ZNF277: variants seen among roughly 807,000 people sequenced by gnomAD.
ZNF277 encodes zinc finger protein 277.
A neutral mutation model predicts 60.7 loss-of-function variants in ZNF277; 55 were observed. The observed-to-expected ratio is 0.91, with a 90% CI of 0.73 to 1.13. The LOEUF is 1.13. Among genes scored for constraint, ZNF277 ranks in the 50% most tolerant of loss-of-function variants. The pLI, the probability that ZNF277 is intolerant of heterozygous loss-of-function variation, is 0.00. For missense variants in ZNF277, 510 were observed against 523.0 expected (o/e 0.98, Z 0.24); for synonymous variants, 178 against 179.3 (o/e 0.99, Z 0.06).
At chr7:112,295,808 C>T (rs1017133336) in intron 2 of ZNF277, 61 bp from the exon 3 acceptor site, 2 of 1,305,114 alleles carry the variant, frequency 1.5e-6, no homozygotes, top group Admixed American at 3.6e-5. Flanking sequence ...AGATTCCTGT[C>T]ATTCTAAAGC....
chr7:112,211,832 G>C (rs758105638), intron 1 of ZNF277, among the ~76,000 whole-genome samples: 3 of 152,144 alleles, frequency 2.0e-5, no homozygotes, highest in Non-Finnish European at 4.4e-5. Flanking sequence ...TACCCCAGTG[G>C]ACAGTGAACT....
intron 1 of ZNF277, among the ~76,000 whole-genome samples, chr7:112,281,717 C>T (rs946941641): frequency 1.3e-5 from 2 of 151,830 alleles, no homozygotes; most frequent in African/African-American, 4.9e-5. Context: ...AAACTGAGTA[C>T]CTTCGGTCCA....
chr7:112,306,285 G>C (rs964827058), intron 4 of ZNF277, among the ~76,000 whole-genome samples: 4 of 146,086 alleles, frequency 2.7e-5, no homozygotes, highest in Admixed American at 7.0e-5. Context: ...CGCAATTTCA[G>C]CTCCCTGCAG....
intron 1 of ZNF277, among the ~76,000 whole-genome samples, chr7:112,262,170 A>G (rs941807113): frequency 6.7e-6 from 1 of 149,816 alleles, no homozygotes; most frequent in African/African-American, 2.5e-5. Context: ...CTGCCCTTCT[A>G]GTTTCGCAGC....
chr7:112,308,516 T>TA (rs142550606), intron 4 of ZNF277, among the ~76,000 whole-genome samples: 44 of 151,156 alleles, frequency 2.9e-4, no homozygotes, highest in Non-Finnish European at 4.1e-4. Context: ...GATTATGTCT[T>TA]AAAAAAAAAT....
chr7:112,208,243 C>T (rs547325580), intron 1 of ZNF277, among the ~76,000 whole-genome samples: 5 of 152,120 alleles, frequency 3.3e-5, no homozygotes, highest in South Asian at 2.1e-4. Flanking sequence ...GGCGTGGTGG[C>T]GGATGCCTGT....
intron 1 of ZNF277, among the ~76,000 whole-genome samples, chr7:112,237,673 T>G (rs1388361488): frequency 6.6e-6 from 1 of 151,694 alleles, no homozygotes; most frequent in African/African-American, 2.4e-5. Flanking sequence ...TCCAGAACAG[T>G]AATAAAAATC....
intron 1 of ZNF277, among the ~76,000 whole-genome samples, chr7:112,273,425 G>A (rs1199491677): frequency 6.6e-6 from 1 of 152,178 alleles, no homozygotes; most frequent in Non-Finnish European, 1.5e-5. Flanking sequence ...GCCACTGCTG[G>A]GGGATGGGGG....
chr7:112,261,820 A>G (rs1003105223), intron 1 of ZNF277, among the ~76,000 whole-genome samples: 1 of 152,174 alleles, frequency 6.6e-6, no homozygotes, highest in Non-Finnish European at 1.5e-5. Flanking sequence ...TGAATATTCT[A>G]TAATAGAAAA....
chr7:112,243,241 A>G (rs1943282594), intron 1 of ZNF277, among the ~76,000 whole-genome samples: 2 of 152,030 alleles, frequency 1.3e-5, no homozygotes, highest in African/African-American at 4.8e-5. Context: ...AAGAAAACCT[A>G]GGAAAAAATC....
chr7:112,245,536 A>G (rs1218492809), intron 1 of ZNF277, among the ~76,000 whole-genome samples: 1 of 152,190 alleles, frequency 6.6e-6, no homozygotes, highest in African/African-American at 2.4e-5. Context: ...TAGCCTCACA[A>G]TTCTGGAGGC....
chr7:112,266,078 A>G (rs1175839717), intron 1 of ZNF277, among the ~76,000 whole-genome samples: 1 of 152,200 alleles, frequency 6.6e-6, no homozygotes, highest in Non-Finnish European at 1.5e-5. Context: ...AGCTGTGAGT[A>G]GTATTTTCAT....
intron 1 of ZNF277, among the ~76,000 whole-genome samples, chr7:112,245,861 G>A (rs1391650837): frequency 6.6e-6 from 1 of 152,080 alleles, no homozygotes; most frequent in Non-Finnish European, 1.5e-5. Flanking sequence ...AGTGGGTTGG[G>A]ACATCCTATC....
intron 1 of ZNF277, among the ~76,000 whole-genome samples, chr7:112,232,974 C>G (rs1822380825): frequency 6.6e-6 from 1 of 152,226 alleles, no homozygotes; most frequent in African/African-American, 2.4e-5. Flanking sequence ...ACCTCACCAA[C>G]TCCTGCTCAT....
intron 4 of ZNF277, among the ~76,000 whole-genome samples, chr7:112,296,912 ATTTTTTTTTTTTTTTTTT>A (rs1170078999): frequency 5.0e-5 from 2 of 39,654 alleles, no homozygotes; most frequent in African/African-American, 1.1e-4. Context: ...TTATTTATTT[ATTTTTTTTTTTTTTTTTT>A]TTTTTTTTTT....
chr7:112,263,581 A>T (rs1211732852), intron 1 of ZNF277, among the ~76,000 whole-genome samples: 1 of 152,144 alleles, frequency 6.6e-6, no homozygotes, highest in Non-Finnish European at 1.5e-5. Context: ...GTAGCTTCAG[A>T]TCATCACACT....
intron 1 of ZNF277, among the ~76,000 whole-genome samples, chr7:112,237,085 A>G (rs1790815040): frequency 1.3e-5 from 2 of 152,184 alleles, no homozygotes; most frequent in Admixed American, 1.3e-4. Context: ...AGGAATTCTC[A>G]AAACTACACA....
rs533068262 is a variant in ZNF277 at position 112,317,042 on chromosome 7, A to G, written c.466-1140A>G. Among the ~76,000 whole-genome samples the G allele has an allele frequency of 9.2e-5, 14 of 152,232 alleles. 1 individual carries two copies. The highest frequency in any genetic ancestry group is 8.3e-4 in the South Asian group (4 of 4,822). ...TGGAAACCATCATTCTCAGCAAACT[A>G]ACACAGGAACAGAAAACCAAACACC... On this transcript the variant is annotated intron_variant, in intron 4 of 11. Transcript: ENST00000361822.
chr7:112,237,972 A>G (rs1790845977), intron 1 of ZNF277, among the ~76,000 whole-genome samples: 3 of 152,166 alleles, frequency 2.0e-5, no homozygotes, highest in Non-Finnish European at 2.9e-5. Flanking sequence ...AAATAAATAA[A>G]TTAACACCAC....
Sources: allele counts gnomAD v4.1 joint callset (sites outside exome capture counted in the v4.1 genomes callset), GRCh38; gene constraint gnomAD v4.1.1; transcripts MANE v1.5; gene names NCBI Gene and HGNC (gene_info 2026-07-23, HGNC 2026-07-21).